Variants in TENM3 observed in about 807,000 individuals in gnomAD.
The protein encoded by TENM3 is teneurin transmembrane protein 3.
In TENM3, 63 loss-of-function variants were observed where a neutral mutation model predicts 255.1. The ratio of observed to expected loss-of-function variants is 0.25; its 90% CI spans 0.20 to 0.30. TENM3 has a LOEUF of 0.30. TENM3 is among the 10% of genes least tolerant of loss of function. The pLI is 1.00. For synonymous variants in TENM3, 1,306 were observed against 1,322.3 expected, an observed-to-expected ratio of 0.99 and a Z score of 0.27; for missense variants, 2,929 against 3,461.1, an observed-to-expected ratio of 0.85 and a Z score of 3.86.
intron 3 of TENM3, among the ~76,000 whole-genome samples, chr4:182,510,524 T>C (rs980283378): frequency 2.6e-5 from 4 of 152,212 alleles, no homozygotes; most frequent in Admixed American, 6.5e-5. Flanking sequence ...CCAGTTCTGA[T>C]TGGCAATTCT....
chr4:181,621,350 T>G, the TENM3 span, among the ~76,000 whole-genome samples: 1 of 152,192 alleles, frequency 6.6e-6, no homozygotes, highest in Non-Finnish European at 1.5e-5. Context: ...AGAAAAATAT[T>G]TGTTTAATAC....
the TENM3 span, among the ~76,000 whole-genome samples, chr4:181,704,866 C>T: frequency 2.0e-5 from 3 of 151,988 alleles, no homozygotes; most frequent in African/African-American, 4.8e-5. Flanking sequence ...AACCCCGTCT[C>T]TACTAAAAAT....
chr4:181,758,328 C>T, the TENM3 span, among the ~76,000 whole-genome samples: 4 of 152,166 alleles, frequency 2.6e-5, no homozygotes, highest in East Asian at 7.7e-4. Flanking sequence ...GGCTTCTTAG[C>T]TTGCTCAACA....
chr4:182,145,470 C>G (rs1749895329), intron 1 of TENM3, among the ~76,000 whole-genome samples: 1 of 152,208 alleles, frequency 6.6e-6, no homozygotes, highest in Non-Finnish European at 1.5e-5. Flanking sequence ...TTACAAAGAG[C>G]TTCACGTATT....
chr4:181,905,902 G>A, the TENM3 span: 8 of 539,420 alleles, frequency 1.5e-5, no homozygotes, highest in South Asian at 1.1e-4. Context: ...ATTACATTAA[G>A]TGCAAGCTCA....
At chr4:182,192,920 A>G (rs1344974474) in intron 1 of TENM3, among the ~76,000 whole-genome samples, 4 of 152,234 alleles carry the variant, frequency 2.6e-5, no homozygotes, top group Non-Finnish European at 5.9e-5. Context: ...GGCTAGAAAA[A>G]TAAAGACTGG....
chr4:181,719,416 A>C, the TENM3 span, among the ~76,000 whole-genome samples: 1 of 152,102 alleles, frequency 6.6e-6, no homozygotes, highest in Non-Finnish European at 1.5e-5. Flanking sequence ...TAAACAACGG[A>C]CATTTATTTC....
chr4:182,711,343 TGTTA>T (rs1204558469), intron 12 of TENM3, among the ~76,000 whole-genome samples: 2 of 152,122 alleles, frequency 1.3e-5, no homozygotes, highest in East Asian at 3.9e-4. Context: ...TGAAAAGTAG[TGTTA>T]GTTCAGTGAG....
chr4:182,195,869 A>G (rs1323179753), intron 1 of TENM3, among the ~76,000 whole-genome samples: 2 of 152,154 alleles, frequency 1.3e-5, no homozygotes, highest in Non-Finnish European at 2.9e-5. Flanking sequence ...GGCCTCCATT[A>G]TATTCTCAGA....
intron 1 of TENM3, among the ~76,000 whole-genome samples, chr4:182,218,671 G>A (rs1259811100): frequency 2.0e-5 from 3 of 152,104 alleles, no homozygotes; most frequent in Admixed American, 6.5e-5. Flanking sequence ...TCCATTATTG[G>A]CAATTTCATA....
At chr4:182,282,269 G>C (rs1760434869) in intron 1 of TENM3, among the ~76,000 whole-genome samples, 1 of 152,152 alleles carries the variant, frequency 6.6e-6, no homozygotes, top group Non-Finnish European at 1.5e-5. Context: ...GGAGGGATGG[G>C]CATCTTCAAG....
chr4:182,091,242 A>G, the TENM3 span, among the ~76,000 whole-genome samples: 1 of 152,230 alleles, frequency 6.6e-6, no homozygotes, highest in African/African-American at 2.4e-5. Flanking sequence ...AGCAGCCAAA[A>G]GATAACTAGA....
At chr4:181,787,503 A>AATTTTTTCAT in the TENM3 span, among the ~76,000 whole-genome samples, 8 of 151,970 alleles carry the variant, frequency 5.3e-5, no homozygotes, top group Non-Finnish European at 1.2e-4. Flanking sequence ...ACGCCCAGCT[A>AATTTTTTCAT]ATTTTTTCAT....
rs147179700 is a variant in TENM3, at chr4:182,258,344, T to G, written c.-76+14868T>G. 2.7e-3 allele frequency among the ~76,000 whole-genome samples: 406 copies of G among 152,316 alleles called. 4 individuals are homozygous for G. Among genetic ancestry groups the G allele is most frequent in the African/African-American group, 9.0e-3 (376 of 41,568 alleles). Reference sequence around the variant, plus strand: ...TTTTAACAATTTATAATGACTTCATTAGACAATTAATAACTTATATCCAAA... The same window carrying G: ...TTTTAACAATTTATAATGACTTCATGAGACAATTAATAACTTATATCCAAA... On this transcript the variant is annotated intron_variant, in intron 1 of 27. Transcript: ENST00000511685.
At chr4:181,698,097 C>T in the TENM3 span, among the ~76,000 whole-genome samples, 2 of 151,734 alleles carry the variant, frequency 1.3e-5, no homozygotes, top group Admixed American at 6.6e-5. Flanking sequence ...GCTTGTAGTC[C>T]CAGCTACTTG....
chr4:182,672,907 A>G (rs1026266992), intron 6 of TENM3, 98 bp from the exon 7 acceptor site: 15 of 873,484 alleles, frequency 1.7e-5, no homozygotes, highest in Non-Finnish European at 2.4e-5. Context: ...TGGCTTGAGC[A>G]TTTGGTAAAA....
chr4:181,743,669 CCA>C, the TENM3 span, among the ~76,000 whole-genome samples: 8 of 151,934 alleles, frequency 5.3e-5, no homozygotes, highest in Non-Finnish European at 8.8e-5. Context: ...GGCGGGACAG[CCA>C]CAGACTCAGA....
At chr4:182,790,573 G>C (rs564256990) in intron 25 of TENM3, among the ~76,000 whole-genome samples, 1 of 152,098 alleles carries the variant, frequency 6.6e-6, no homozygotes, top group East Asian at 1.9e-4. Flanking sequence ...TCTGGGATGC[G>C]TCCAGCTAGG....
the TENM3 span, among the ~76,000 whole-genome samples, chr4:181,853,493 G>C: frequency 6.6e-6 from 1 of 152,266 alleles, no homozygotes; most frequent in South Asian, 2.1e-4. Flanking sequence ...CTCAAAACAC[G>C]TTTGTTAATT....
Sources: gnomAD v4.1 joint callset for allele counts (sites outside exome capture counted in the v4.1 genomes callset) on GRCh38, gnomAD v4.1.1 for gene constraint, MANE v1.5 for transcripts, NCBI Gene and HGNC (gene_info 2026-07-23, HGNC 2026-07-21) for gene names.